The following TMEM63A variants were observed in gnomAD, a reference collection of about 807,000 sequenced individuals.
TMEM63A encodes mechanosensitive cation channel TMEM63A.
TMEM63A carries 76 observed loss-of-function variants against 100.6 expected under a neutral mutation model. That is an observed-to-expected ratio of 0.76 (90% CI 0.63 to 0.91). TMEM63A has a LOEUF of 0.91. Ranked by LOEUF, TMEM63A falls within the 40% of genes least tolerant of loss-of-function variation. The pLI, the probability that TMEM63A is intolerant of heterozygous loss-of-function variation, is 0.00. For missense variants in TMEM63A, 876 were observed against 1,008.8 expected, an observed-to-expected ratio of 0.87 and a Z score of 1.78; for synonymous variants, 401 against 401.1, an observed-to-expected ratio of 1.00 and a Z score of 0.00.
downstream of TMEM63A, chr1:225,841,329 G>T (rs1383091326): frequency 1.3e-5 from 2 of 151,972 alleles, no homozygotes; most frequent in East Asian, 3.9e-4. Flanking sequence ...GTTGCCCAGG[G>T]TAGAGTGCAG....
In TMEM63A at chr1:225,862,111, C is replaced by T. The variant is rs1295298141; in HGVS notation, c.1085+107G>A. Reference sequence around the variant, plus strand: ...AGAAGGAAACACCACAGATAAATCCCAGGGATGGTGGGTCAGCAGTACCAT... The same window carrying T: ...AGAAGGAAACACCACAGATAAATCCTAGGGATGGTGGGTCAGCAGTACCAT... On this transcript the variant is annotated intron_variant, in intron 13 of 24. Coordinates refer to ENST00000366835, the MANE Select transcript of TMEM63A (RefSeq NM_014698.3). This position sits in a 1 kb window ranked among gnomAD's most constrained non-coding sequence, Gnocchi z 5.1. The T allele has an allele frequency of 2.0e-6, 3 of 1,493,606 alleles. No homozygotes were observed. The allele number at this position is 1,493,606 out of a possible 1,614,324, so 92.5% of individuals were successfully genotyped here.
chr1:225,861,023 G>C, intron 13 of TMEM63A, 26 bp from the exon 14 acceptor site: 1 of 1,585,306 alleles, frequency 6.3e-7, no homozygotes, highest in African/African-American at 1.4e-5. Flanking sequence ...GCAACAGCCA[G>C]GCCCAGGCTA....
intron 1 of TMEM63A, among the ~76,000 whole-genome samples, chr1:225,880,918 T>G (rs1314593446): frequency 6.6e-6 from 1 of 152,234 alleles, no homozygotes; most frequent in Non-Finnish European, 1.5e-5. Flanking sequence ...ATATTGTTCG[T>G]TCTTGCAAGA....
downstream of TMEM63A, chr1:225,844,689 G>C: frequency 6.2e-7 from 1 of 1,601,770 alleles, no homozygotes; most frequent in African/African-American, 1.3e-5. Context: ...CCAGTCTTGG[G>C]CTCCACGAAG....
At chr1:225,866,763 CA>C in intron 8 of TMEM63A, 81 bp from the exon 9 acceptor site, 1 of 1,299,428 alleles carries the variant, frequency 7.7e-7, no homozygotes, top group Non-Finnish European at 1.1e-6. Context: ...TGGTTACCCT[CA>C]GTGGGCACTG....
At chr1:225,851,444 A>G (rs1216868826) in intron 20 of TMEM63A, among the ~76,000 whole-genome samples, 1 of 152,150 alleles carries the variant, frequency 6.6e-6, no homozygotes, top group Non-Finnish European at 1.5e-5. Context: ...ATCTTGGCTC[A>G]CTGCAACCTC....
intron 13 of TMEM63A, chr1:225,861,646 C>T (rs1257212255): frequency 6.3e-6 from 1 of 157,956 alleles, no homozygotes; most frequent in Non-Finnish European, 1.4e-5. Context: ...TCTCCCGACC[C>T]ACCCTGTGCT....
chr1:225,844,269 G>C (rs182435995), downstream of TMEM63A, among the ~76,000 whole-genome samples: 9 of 151,810 alleles, frequency 5.9e-5, no homozygotes, highest in East Asian at 1.9e-4. Flanking sequence ...CAAGGTGGGT[G>C]GGGGGAGGAC....
chr1:225,854,086 G>A (rs1669491223), intron 18 of TMEM63A, among the ~76,000 whole-genome samples: 1 of 152,150 alleles, frequency 6.6e-6, no homozygotes, highest in Non-Finnish European at 1.5e-5. Flanking sequence ...AACAAAGCAG[G>A]GAGGGTTCCT....
intron 6 of TMEM63A, among the ~76,000 whole-genome samples, chr1:225,868,725 G>A (rs1670342759): frequency 6.6e-6 from 1 of 151,478 alleles, no homozygotes; most frequent in African/African-American, 2.4e-5. Flanking sequence ...TTGGGAATAT[G>A]CCCAGGCCCC....
In TMEM63A at chr1:225,867,345, C is replaced by T. The variant is rs1056790488; in HGVS notation, c.515-182G>A. Reference sequence around the variant, plus strand: ...AAGGCCTCTGCTTGAAACCAAAATGCTCCCTGATAACTTCTCAACCTTCCA... The same window carrying T: ...AAGGCCTCTGCTTGAAACCAAAATGTTCCCTGATAACTTCTCAACCTTCCA... On this transcript the variant is annotated intron_variant, in intron 7 of 24. Coordinates refer to ENST00000366835, the MANE Select transcript of TMEM63A (RefSeq NM_014698.3). The surrounding 1 kb of genome is among the most constrained non-coding windows in gnomAD (Gnocchi z 4.6). 3.3e-5 allele frequency among the ~76,000 whole-genome samples: 5 copies of T among 152,128 alleles called. No homozygotes were observed. Among genetic ancestry groups the T allele is most frequent in the African/African-American group, 1.2e-4 (5 of 41,416 alleles).
downstream of TMEM63A, among the ~76,000 whole-genome samples, chr1:225,841,606 T>G (rs1156508236): frequency 1.4e-5 from 2 of 144,900 alleles, no homozygotes; most frequent in Non-Finnish European, 3.0e-5. Flanking sequence ...CCAGCCTTTT[T>G]TTTTTTTTTT....
Position 225,865,840 on chromosome 1 carries a change from G to A in TMEM63A, c.746+57C>T, listed in dbSNP as rs1224724489. 1.9e-6 allele frequency: 3 copies of A among 1,583,164 alleles called. No individual in the cohort carries two copies. Among genetic ancestry groups the A allele is most frequent in the African/African-American group, 1.3e-5 (1 of 74,130 alleles). On this transcript the variant is annotated intron_variant, in intron 10 of 24. Transcript: ENST00000366835. This position sits in a 1 kb window ranked among gnomAD's most constrained non-coding sequence, Gnocchi z 4.6. Reference sequence around the variant, plus strand: ...CCTAAGGTGCTCGCCCTGCGGGTGGGGCTGTGTTGGTCCTACGTGGAGGGG... The same window carrying A: ...CCTAAGGTGCTCGCCCTGCGGGTGGAGCTGTGTTGGTCCTACGTGGAGGGG...
chr1:225,881,691 G>A (rs1040113945), intron 1 of TMEM63A, among the ~76,000 whole-genome samples: 27 of 152,186 alleles, frequency 1.8e-4, no homozygotes, highest in Non-Finnish European at 2.9e-4. Flanking sequence ...GCCTGGGGCT[G>A]AATGACCAAG....
At chr1:225,872,884 G>C (rs1476031712) in intron 4 of TMEM63A, among the ~76,000 whole-genome samples, 1 of 151,698 alleles carries the variant, frequency 6.6e-6, no homozygotes, top group Non-Finnish European at 1.5e-5. Flanking sequence ...AATAGAGATG[G>C]GGTTTCATCA....
At chr1:225,859,641 C>T in intron 14 of TMEM63A, 3 of 361,292 alleles carry the variant, frequency 8.3e-6, no homozygotes, top group South Asian at 3.5e-5. Flanking sequence ...TTTATTTTTT[C>T]TTTTTCTGTT....
chr1:225,865,833 C>T lies in TMEM63A; in HGVS notation c.746+64G>A, dbSNP rs928068724. 1.5e-5 allele frequency: 24 copies of T among 1,560,436 alleles called. No homozygotes were observed. In the African/African-American group the frequency reaches 1.6e-4, roughly 11 times the overall value. On this transcript the variant is annotated intron_variant, in intron 10 of 24. Coordinates refer to ENST00000366835, the MANE Select transcript of TMEM63A (RefSeq NM_014698.3). This position sits in a 1 kb window ranked among gnomAD's most constrained non-coding sequence, Gnocchi z 4.6. ...GCGCTCACCTAAGGTGCTCGCCCTG[C>T]GGGTGGGGCTGTGTTGGTCCTACGT...
downstream of TMEM63A, chr1:225,845,355 C>T (rs1439794851): frequency 6.3e-7 from 1 of 1,589,834 alleles, no homozygotes; most frequent in East Asian, 2.3e-5. Context: ...TGACCCACCC[C>T]TCTCCCCCCG....
intron 23 of TMEM63A, 133 bp from the exon 24 acceptor site, chr1:225,847,346 T>C: frequency 9.4e-6 from 11 of 1,164,614 alleles, no homozygotes; most frequent in Non-Finnish European, 1.1e-5. Context: ...CCGACATCCA[T>C]TTAGGACATT....
Sources: allele counts gnomAD v4.1 joint callset (sites outside exome capture counted in the v4.1 genomes callset), GRCh38; gene constraint gnomAD v4.1.1; non-coding constraint Gnocchi (gnomAD v3.1); transcripts MANE v1.5; gene names NCBI Gene and HGNC (gene_info 2026-07-23, HGNC 2026-07-21).